Variants in FANCC observed in about 807,000 individuals in gnomAD.
FANCC encodes Fanconi anemia group C protein.
In FANCC, 55 loss-of-function variants were observed where a neutral mutation model predicts 71.3. The observed-to-expected ratio is 0.77, with a 90% CI of 0.62 to 0.97. FANCC has a LOEUF of 0.97. Among genes scored for constraint, FANCC ranks in the 50% least tolerant of loss-of-function variants. FANCC has a pLI of 0.00. For synonymous variants in FANCC, 275 were observed against 244.9 expected, an observed-to-expected ratio of 1.12 and a Z score of -1.15; for missense variants, 678 against 670.9, an observed-to-expected ratio of 1.01 and a Z score of -0.12.
chr9:95,298,096 T>TA (rs1294226120), intron 1 of FANCC, among the ~76,000 whole-genome samples: 5 of 152,160 alleles, frequency 3.3e-5, no homozygotes, highest in African/African-American at 1.2e-4. Context: ...GATCATACTG[T>TA]AAGATGGAAG....
intron 1 of FANCC, among the ~76,000 whole-genome samples, chr9:95,271,666 C>A (rs560884211): frequency 6.6e-6 from 1 of 151,770 alleles, no homozygotes; most frequent in Non-Finnish European, 1.5e-5. Flanking sequence ...TCGCATCCTG[C>A]AAGGAGGTGT....
chr9:95,303,670 G>C (rs1834892565), intron 1 of FANCC, among the ~76,000 whole-genome samples: 1 of 152,118 alleles, frequency 6.6e-6, no homozygotes, highest in Non-Finnish European at 1.5e-5. Context: ...TGTGGGGAGA[G>C]ATCTCTCTCT....
At chr9:95,259,702 T>G (rs1831902404) in intron 1 of FANCC, among the ~76,000 whole-genome samples, 1 of 152,160 alleles carries the variant, frequency 6.6e-6, no homozygotes, top group Non-Finnish European at 1.5e-5. Flanking sequence ...GGGATCTAAT[T>G]AAACTAAAGA....
intron 4 of FANCC, among the ~76,000 whole-genome samples, chr9:95,215,382 G>C (rs1023370220): frequency 6.6e-6 from 1 of 152,092 alleles, no homozygotes. Flanking sequence ...GATGGAGAGA[G>C]GGAGATAGGG....
chr9:95,187,788 C>T (rs1452348893), intron 4 of FANCC, among the ~76,000 whole-genome samples: 6 of 151,946 alleles, frequency 3.9e-5, no homozygotes, highest in Admixed American at 6.6e-5. Flanking sequence ...CCACCTCTGC[C>T]GGAGTGACCC....
intron 6 of FANCC, among the ~76,000 whole-genome samples, chr9:95,170,634 T>A (rs2135573199): frequency 2.1e-5 from 1 of 48,372 alleles, no homozygotes; most frequent in African/African-American, 6.9e-5. Context: ...GCCTTGTAAA[T>A]ATCGTGTGTG....
chr9:95,173,784 G>A (rs558855236), intron 4 of FANCC, among the ~76,000 whole-genome samples: 1 of 152,254 alleles, frequency 6.6e-6, no homozygotes, highest in South Asian at 2.1e-4. Flanking sequence ...TGGGCATGGT[G>A]GTGCACATCT....
At chr9:95,261,128 T>C (rs1190466962) in intron 1 of FANCC, among the ~76,000 whole-genome samples, 1 of 152,216 alleles carries the variant, frequency 6.6e-6, no homozygotes, top group African/African-American at 2.4e-5. Flanking sequence ...AATAAGACAG[T>C]GTCACCCGAA....
chr9:95,316,720 A>G (rs1477844354), intron 1 of FANCC: 5 of 152,038 alleles, frequency 3.3e-5, no homozygotes, highest in African/African-American at 1.2e-4. Flanking sequence ...ATGTTATAAA[A>G]CTCCAAGTCT....
chr9:95,151,444 T>C, intron 6 of FANCC, among the ~76,000 whole-genome samples: 1 of 152,260 alleles, frequency 6.6e-6, no homozygotes, highest in East Asian at 1.9e-4. Context: ...AACCACAGTA[T>C]AGAGCATGTA....
chr9:95,270,737 T>C (rs193272041), intron 1 of FANCC, among the ~76,000 whole-genome samples: 2 of 152,368 alleles, frequency 1.3e-5, no homozygotes, highest in African/African-American at 4.8e-5. Flanking sequence ...ATAGGTAAAG[T>C]AGAAAAAACC....
At chr9:95,215,236 A>G (rs954107426) in intron 4 of FANCC, among the ~76,000 whole-genome samples, 4 of 152,172 alleles carry the variant, frequency 2.6e-5, no homozygotes, top group Non-Finnish European at 4.4e-5. Flanking sequence ...TGAGGATGCA[A>G]AGAAATGTAA....
At chr9:95,264,953 ACTGGT>A (rs1351213124) in intron 1 of FANCC, among the ~76,000 whole-genome samples, 1 of 149,722 alleles carries the variant, frequency 6.7e-6, no homozygotes, top group Non-Finnish European at 1.5e-5. Flanking sequence ...ACAGGGTAAG[ACTGGT>A]CAATTTACCC....
intron 4 of FANCC, among the ~76,000 whole-genome samples, chr9:95,196,135 G>A (rs1346773578): frequency 6.6e-6 from 1 of 151,966 alleles, no homozygotes; most frequent in Non-Finnish European, 1.5e-5. Flanking sequence ...ACAGTGTCTT[G>A]AACTTCCAGT....
At chr9:95,254,984 T>G (rs1221358809) in intron 1 of FANCC, among the ~76,000 whole-genome samples, 2 of 152,116 alleles carry the variant, frequency 1.3e-5, no homozygotes, top group African/African-American at 4.8e-5. Context: ...GCAAAGCCGC[T>G]GTAGCCAGAC....
intron 4 of FANCC, among the ~76,000 whole-genome samples, chr9:95,202,604 C>T (rs1447270582): frequency 6.6e-6 from 1 of 152,230 alleles, no homozygotes; most frequent in Non-Finnish European, 1.5e-5. Flanking sequence ...TTTCTAATTA[C>T]AGAAGTTTCT....
At chr9:95,107,851 G>T (rs967926052) in intron 13 of FANCC, among the ~76,000 whole-genome samples, 1 of 152,142 alleles carries the variant, frequency 6.6e-6, no homozygotes, top group African/African-American at 2.4e-5. Context: ...CGTGTTTAAT[G>T]CTCAAGCAGA....
intron 1 of FANCC, among the ~76,000 whole-genome samples, chr9:95,305,220 T>C (rs570324793): frequency 6.6e-6 from 1 of 152,294 alleles, no homozygotes; most frequent in East Asian, 1.9e-4. Flanking sequence ...CACAAAGAAT[T>C]AGGCCAAAGC....
intron 4 of FANCC, among the ~76,000 whole-genome samples, chr9:95,236,924 C>T (rs137919945): frequency 3.2e-4 from 49 of 152,262 alleles, no homozygotes; most frequent in Middle Eastern, 3.4e-3. Context: ...AATATCACCT[C>T]CAAGATAAAA....
Sources: gnomAD v4.1 joint callset for allele counts (sites outside exome capture counted in the v4.1 genomes callset) on GRCh38, gnomAD v4.1.1 for gene constraint, MANE v1.5 for transcripts, NCBI Gene and HGNC (gene_info 2026-07-23, HGNC 2026-07-21) for gene names.